The following CRACDL variants were observed in gnomAD, a reference collection of about 807,000 sequenced individuals.
CRACDL encodes CRACD-like protein.
CRACDL carries 26 observed loss-of-function variants against 70.6 expected under a neutral mutation model. The ratio of observed to expected loss-of-function variants is 0.37; its 90% confidence interval spans 0.27 to 0.51. The LOEUF is 0.51. CRACDL is among the 20% of genes least tolerant of loss of function. The pLI is 0.94. For synonymous variants in CRACDL, 618 were observed against 615.2 expected (o/e 1.00, Z -0.07); for missense variants, 1,283 against 1,376.9 (o/e 0.93, Z 1.08).
intron 1 of CRACDL, among the ~76,000 whole-genome samples, chr2:98,924,437 T>C (rs1363072409): frequency 6.6e-6 from 1 of 152,244 alleles, no homozygotes; most frequent in Admixed American, 6.5e-5. Context: ...GGGTAATACA[T>C]GAGGCTATAA....
intron 2 of CRACDL, among the ~76,000 whole-genome samples, chr2:98,839,436 G>A (rs757799660): frequency 4.6e-5 from 7 of 152,220 alleles, no homozygotes; most frequent in African/African-American, 1.4e-4. Flanking sequence ...ATTCTTAAGA[G>A]TTTTCTGCAT....
Position 98,869,309 on chromosome 2 carries a change from C to A in CRACDL, c.-10-22499G>T, listed in dbSNP as rs1707259578. On this transcript the variant is annotated intron_variant, in intron 1 of 9. Coordinates refer to ENST00000397899, the MANE Select transcript of CRACDL (RefSeq NM_207362.3). ...GAGGAAGTGGGGCTTCTGCCAAGCC[C>A]AGCCCTCCTGTGCCCCGTGAGCTCC... The A allele has an allele frequency of 2.5e-6, 3 of 1,216,066 alleles. No homozygotes were observed. In the South Asian group the frequency reaches 4.5e-5, roughly 18 times the overall value. 75.3% of individuals were successfully genotyped at this position (1,216,066 alleles called of 1,614,324 possible).
intron 1 of CRACDL, among the ~76,000 whole-genome samples, chr2:98,879,911 T>C (rs906069671): frequency 6.6e-6 from 1 of 152,208 alleles, no homozygotes; most frequent in Non-Finnish European, 1.5e-5. Flanking sequence ...AATATTTCCA[T>C]GGGGGTGGAC....
intron 1 of CRACDL, among the ~76,000 whole-genome samples, chr2:98,901,061 G>A (rs1708267923): frequency 6.6e-6 from 1 of 152,232 alleles, no homozygotes; most frequent in South Asian, 2.1e-4. Flanking sequence ...GGTCAAGCAT[G>A]TAAAAGCACG....
In CRACDL at chr2:98,822,409, G is replaced by C; in HGVS notation, c.1864C>G (p.Pro622Ala). Residue 622 changes from proline (P) to alanine (A), a missense_variant, in exon 7 of 10, where the codon CCC (proline) becomes GCC (alanine). By Grantham distance (27) the Pro-to-Ala change is conservative (BLOSUM62 -1). This residue lies in a region of CRACDL where 921 missense variants were observed against 881.9 expected (regional missense o/e 1.04). Transcript: ENST00000397899. This position sits in a 1 kb window ranked among gnomAD's most constrained non-coding sequence, Gnocchi z 4.9. ...ALDDLQGLPE[P>A]QHAKPGPRKL... ...CGAGGGCCAGGTTTCGCGTGCTGGG[G>C]CTCGGGGAGACCCTGGAGGTCGTCA... The C allele has an allele frequency of 6.7e-7, 1 of 1,484,096 alleles. No homozygotes were observed. 91.9% of individuals were successfully genotyped at this position (1,484,096 alleles called of 1,614,324 possible).
At chr2:98,809,504 G>C (rs1197354908) in intron 7 of CRACDL, among the ~76,000 whole-genome samples, 1 of 152,122 alleles carries the variant, frequency 6.6e-6, no homozygotes, top group East Asian at 1.9e-4. Context: ...CAGCTTCTAA[G>C]AAGTCCCATG....
chr2:98,803,999 G>A (rs1177953558), intron 7 of CRACDL, among the ~76,000 whole-genome samples: 1 of 152,120 alleles, frequency 6.6e-6, no homozygotes, highest in Non-Finnish European at 1.5e-5. Flanking sequence ...AACAGCTTGA[G>A]GGGTTTTGCT....
intron 7 of CRACDL, among the ~76,000 whole-genome samples, chr2:98,800,680 T>C (rs1704037767): frequency 6.6e-6 from 1 of 152,232 alleles, no homozygotes; most frequent in African/African-American, 2.4e-5. Context: ...CTTGCCTCAC[T>C]ATGTTTGGTA....
chr2:98,821,767 A>C, intron 7 of CRACDL, 90 bp downstream of exon 7: 1 of 1,465,574 alleles, frequency 6.8e-7, no homozygotes, highest in Non-Finnish European at 9.2e-7. Flanking sequence ...AGTTTGTACC[A>C]GGAGCATTTG....
chr2:98,887,268 G>T (rs562245811), intron 1 of CRACDL, among the ~76,000 whole-genome samples: 1 of 152,098 alleles, frequency 6.6e-6, no homozygotes, highest in Admixed American at 6.5e-5. Context: ...CAGGAGAATT[G>T]CTGGTCAGGA....
chr2:98,802,749 T>C (rs1704130422), intron 7 of CRACDL, among the ~76,000 whole-genome samples: 1 of 152,230 alleles, frequency 6.6e-6, no homozygotes, highest in South Asian at 2.1e-4. Context: ...ACACTAGGGA[T>C]GCAGCTGTTA....
intron 1 of CRACDL, among the ~76,000 whole-genome samples, chr2:98,860,216 A>G (rs1452095644): frequency 6.6e-6 from 1 of 152,234 alleles, no homozygotes; most frequent in African/African-American, 2.4e-5. Context: ...AAATGGCAGT[A>G]TTCCCCAAAC....
chr2:98,922,205 G>A lies in CRACDL; in HGVS notation c.-11+13733C>T, dbSNP rs1008602524. On this transcript the variant is annotated intron_variant, in intron 1 of 9. Transcript: ENST00000397899. Reference sequence around the variant, plus strand: ...GATCCCAGCACTTTGGGAGGCTGAGGCAGGTGGATCATGAGGTCAAGAGTT... The same window carrying A: ...GATCCCAGCACTTTGGGAGGCTGAGACAGGTGGATCATGAGGTCAAGAGTT... 3.9e-5 allele frequency among the ~76,000 whole-genome samples: 6 copies of A among 152,082 alleles called. No individual in the cohort carries two copies. In the South Asian group the frequency reaches 6.2e-4, roughly 16 times the overall value.
In CRACDL at chr2:98,822,593, C is replaced by T. The variant is rs777829532; in HGVS notation, c.1680G>A (p.Lys560=). The change falls in exon 7 of 10, where the codon AAG becomes AAA. Residue 560 remains lysine (K), a synonymous_variant. Transcript: ENST00000397899. The surrounding 1 kb of genome is among the most constrained non-coding windows in gnomAD (Gnocchi z 4.9). The part of the protein sequence containing the change: ...AGAERAAPER[K]AERGGAELRG... ...GCAGCTCGGCACCGCCCCTCTCCGC[C>T]TTCCGCTCTGGCGCCGCCCTCTCGG... 1.8e-5 allele frequency: 26 copies of T among 1,434,044 alleles called. No homozygotes were observed. In the Admixed American group the frequency reaches 6.1e-4, roughly 33 times the overall value. 88.8% of individuals were successfully genotyped at this position (1,434,044 alleles called of 1,614,324 possible). A position where few individuals can be genotyped will look rare whatever the true frequency, so the allele number is the denominator to read the frequency against.
rs1021995256 is a variant in CRACDL at position 98,905,025 on chromosome 2, T to C, written c.-11+30913A>G. The stretch of plus-strand genomic sequence containing the variant: ...CAGCACTTTGGGAGGCTGAGGCGGG[T>C]GGATCACGAGGTCAGGAGATCGAGA... On this transcript the variant is annotated intron_variant, in intron 1 of 9. Coordinates refer to ENST00000397899, the MANE Select transcript of CRACDL (RefSeq NM_207362.3). Among the ~76,000 whole-genome samples the C allele has an allele frequency of 1.1e-3, 162 of 150,712 alleles. 1 individual carries two copies. The highest frequency in any genetic ancestry group is 2.0e-3 in the Non-Finnish European group (137 of 67,676).
chr2:98,874,923 T>C (rs1378651025), intron 1 of CRACDL, among the ~76,000 whole-genome samples: 1 of 152,092 alleles, frequency 6.6e-6, no homozygotes, highest in East Asian at 1.9e-4. Flanking sequence ...CCTCTGGCCA[T>C]CTCCAAGGAA....
intron 1 of CRACDL, among the ~76,000 whole-genome samples, chr2:98,860,467 C>T (rs1232810731): frequency 6.6e-6 from 1 of 152,174 alleles, no homozygotes; most frequent in Non-Finnish European, 1.5e-5. Flanking sequence ...CAGAAATAAA[C>T]ACATACTCTT....
chr2:98,811,715 C>T (rs1321831770), intron 7 of CRACDL, among the ~76,000 whole-genome samples: 1 of 152,106 alleles, frequency 6.6e-6, no homozygotes, highest in Non-Finnish European at 1.5e-5. Flanking sequence ...TACTCCCAAC[C>T]CCTGGCAACT....
intron 1 of CRACDL, among the ~76,000 whole-genome samples, chr2:98,888,783 CAA>C (rs1385669775): frequency 6.6e-6 from 1 of 151,998 alleles, no homozygotes; most frequent in Non-Finnish European, 1.5e-5. Context: ...CATTTAAATT[CAA>C]AGACACAAAT....
Sources: gnomAD v4.1 joint callset for allele counts (sites outside exome capture counted in the v4.1 genomes callset) on GRCh38, gnomAD v4.1.1 for gene constraint, gnomAD v4.1.1 regional missense constraint, Gnocchi (gnomAD v3.1) non-coding constraint, MANE v1.5 for transcripts, NCBI Gene and HGNC (gene_info 2026-07-23, HGNC 2026-07-21) for gene names.